The following GRM8 variants were observed in gnomAD, a reference collection of about 807,000 sequenced individuals.
GRM8 encodes metabotropic glutamate receptor 8.
GRM8 carries 47 observed loss-of-function variants against 87.2 expected under a neutral mutation model. The observed-to-expected ratio is 0.54, with a 90% CI of 0.43 to 0.69. The LOEUF (loss-of-function observed/expected upper bound fraction) is 0.69, where lower values mean the gene tolerates loss of function less well. Ranked by LOEUF, GRM8 falls within the 30% of genes least tolerant of loss-of-function variation. The pLI, the probability that GRM8 is intolerant of heterozygous loss-of-function variation, is 0.00. For synonymous variants in GRM8, 396 were observed against 404.5 expected (o/e 0.98, Z 0.25); for missense variants, 1,019 against 1,139.2 (o/e 0.89, Z 1.52).
rs1443941299 is a variant in GRM8 at position 126,845,823 on chromosome 7, G to T, written c.1156+56719C>A. On this transcript the variant is annotated intron_variant, in intron 6 of 10. Coordinates refer to ENST00000339582, the MANE Select transcript of GRM8 (RefSeq NM_000845.3). ...TTTGTAAGGATGAGTTCCTGTCCTA[G>T]GGTTTGAAGTCTAGATATCATGTCA... Among the ~76,000 whole-genome samples the T allele has an allele frequency of 2.0e-5, 3 of 152,110 alleles. No homozygotes were observed. The East Asian group carries it at 5.8e-4, about 29-fold the overall frequency.
At chr7:126,924,081 T>TAGACTCCTTGCTGAATGAAG (rs1804830407) in intron 3 of GRM8, among the ~76,000 whole-genome samples, 2 of 152,312 alleles carry the variant, frequency 1.3e-5, no homozygotes, top group South Asian at 4.1e-4. Context: ...CACCTACATC[T>TAGACTCCTTGCTGAATGAAG]AGACTCCTTG....
At chr7:126,503,605 C>A (rs771018767) in intron 9 of GRM8, among the ~76,000 whole-genome samples, 6 of 151,978 alleles carry the variant, frequency 3.9e-5, no homozygotes, top group Non-Finnish European at 7.4e-5. Context: ...GGTTTAAAAT[C>A]TTTTAGCTTA....
intron 9 of GRM8, among the ~76,000 whole-genome samples, chr7:126,509,389 G>A (rs1197041563): frequency 6.6e-6 from 1 of 151,988 alleles, no homozygotes; most frequent in Non-Finnish European, 1.5e-5. Flanking sequence ...ATTTGTCCAG[G>A]TAATGGCTGA....
chr7:126,986,478 C>G (rs1255485748), intron 3 of GRM8, among the ~76,000 whole-genome samples: 2 of 152,018 alleles, frequency 1.3e-5, no homozygotes, highest in Non-Finnish European at 2.9e-5. Context: ...TACTAAAGCC[C>G]AAATTATTTT....
chr7:127,100,585 G>A (rs1351099286), intron 3 of GRM8, among the ~76,000 whole-genome samples: 1 of 152,214 alleles, frequency 6.6e-6, no homozygotes, highest in Non-Finnish European at 1.5e-5. Flanking sequence ...GGCTGGGGGT[G>A]GCCTCAAATC....
At chr7:126,903,719 ATATATATG>A (rs1166818526) in intron 5 of GRM8, among the ~76,000 whole-genome samples, 2 of 140,790 alleles carry the variant, frequency 1.4e-5, no homozygotes, top group African/African-American at 2.6e-5. Flanking sequence ...ATATGTGTAT[ATATATATG>A]TATATGTGTA....
At chr7:126,608,577 G>A (rs1206872162) in intron 8 of GRM8, among the ~76,000 whole-genome samples, 1 of 152,066 alleles carries the variant, frequency 6.6e-6, no homozygotes, top group East Asian at 1.9e-4. Context: ...AGTGCCTGCG[G>A]TAGACAAAAA....
chr7:127,073,953 A>G lies in GRM8; in HGVS notation c.727+32543T>C, dbSNP rs148817021. Among the ~76,000 whole-genome samples the G allele has an allele frequency of 1.1e-4, 16 of 152,346 alleles. No homozygotes were observed. In the East Asian group the frequency reaches 2.7e-3, roughly 26 times the overall value. On this transcript the variant is annotated intron_variant, in intron 3 of 10. Coordinates refer to ENST00000339582, the MANE Select transcript of GRM8 (RefSeq NM_000845.3). ...TTCTACAGACAAGACTGAAACATTA[A>G]TCAAACCTTAGGTAACCAAAGGAGT...
intron 9 of GRM8, among the ~76,000 whole-genome samples, chr7:126,517,137 A>G (rs1482172592): frequency 6.6e-6 from 1 of 152,092 alleles, no homozygotes; most frequent in Non-Finnish European, 1.5e-5. Context: ...GTTTAGGGCC[A>G]GTTTTACACC....
intron 3 of GRM8, among the ~76,000 whole-genome samples, chr7:126,984,931 C>A (rs939329246): frequency 2.8e-4 from 43 of 152,032 alleles, no homozygotes; most frequent in African/African-American, 9.4e-4. Context: ...CCTTTTGGTT[C>A]ATGTGATATA....
chr7:126,546,923 C>G (rs1381575357), intron 8 of GRM8, among the ~76,000 whole-genome samples: 1 of 152,142 alleles, frequency 6.6e-6, no homozygotes, highest in Non-Finnish European at 1.5e-5. Context: ...GCACCTGGCA[C>G]AGTTGGTACT....
chr7:127,207,490 G>A (rs1211711893), intron 2 of GRM8, among the ~76,000 whole-genome samples: 1 of 152,132 alleles, frequency 6.6e-6, no homozygotes, highest in Non-Finnish European at 1.5e-5. Flanking sequence ...CAATGATACT[G>A]AACACATAAG....
At chr7:126,822,391 G>A (rs1214018536) in intron 6 of GRM8, among the ~76,000 whole-genome samples, 1 of 152,136 alleles carries the variant, frequency 6.6e-6, no homozygotes, top group Admixed American at 6.6e-5. Context: ...ACATTTGCAT[G>A]ATTTACCACT....
intron 9 of GRM8, among the ~76,000 whole-genome samples, chr7:126,513,595 C>T (rs995047282): frequency 2.1e-4 from 32 of 152,260 alleles, no homozygotes; most frequent in Admixed American, 1.8e-3. Context: ...TTTCCACTTC[C>T]GGTTGCTCTA....
intron 3 of GRM8, among the ~76,000 whole-genome samples, chr7:127,038,487 A>G (rs1261427783): frequency 1.4e-5 from 1 of 69,656 alleles, no homozygotes; most frequent in East Asian, 2.3e-4. Flanking sequence ...GACACACAAG[A>G]TATTTAAGAT....
At position 126,480,006 on chromosome 7, in the gene GRM8, G is replaced by A. The variant is rs991234263; in HGVS notation, c.2431-33634C>T. 6.6e-5 allele frequency among the ~76,000 whole-genome samples: 10 copies of A among 152,194 alleles called. No individual in the cohort carries two copies. In the East Asian group the frequency reaches 9.7e-4, roughly 15 times the overall value. ...CCCAAGGTGGAATGCAGACTGTGACGAATCAATCTAACCGTATTACAAATA... is the reference window on the plus strand; with the variant it reads ...CCCAAGGTGGAATGCAGACTGTGACAAATCAATCTAACCGTATTACAAATA... On this transcript the variant is annotated intron_variant, in intron 9 of 10. Coordinates refer to ENST00000339582, the MANE Select transcript of GRM8 (RefSeq NM_000845.3).
intron 7 of GRM8, among the ~76,000 whole-genome samples, chr7:126,700,071 G>T (rs750848172): frequency 6.6e-6 from 1 of 152,154 alleles, no homozygotes; most frequent in Non-Finnish European, 1.5e-5. Context: ...ACACTGTTCA[G>T]ATAGTTCATA....
intron 6 of GRM8, chr7:126,868,731 C>G (rs761543668): frequency 6.6e-6 from 1 of 152,186 alleles, no homozygotes; most frequent in Non-Finnish European, 1.5e-5. Flanking sequence ...AATGTGCATA[C>G]CTGAATTTAA....
intron 2 of GRM8, among the ~76,000 whole-genome samples, chr7:127,162,836 T>C (rs74478924): frequency 5.3e-3 from 803 of 152,304 alleles, no homozygotes; most frequent in African/African-American, 0.019. Flanking sequence ...GCTAGCATAT[T>C]AAAATATAGC....
Sources: gnomAD v4.1 joint callset for allele counts (sites outside exome capture counted in the v4.1 genomes callset) on GRCh38, gnomAD v4.1.1 for gene constraint, MANE v1.5 for transcripts, NCBI Gene and HGNC (gene_info 2026-07-23, HGNC 2026-07-21) for gene names.